The following UGT1A7 variants were observed in gnomAD, a reference collection of about 807,000 sequenced individuals.
UGT1A7 encodes the protein UDP glucuronosyltransferase family 1 member A7, also known as UDP-glucuronosyltransferase 1A7.
In UGT1A7, 33 loss-of-function variants were observed where a neutral mutation model predicts 45.6. The ratio of observed to expected loss-of-function variants is 0.72; its 90% CI spans 0.55 to 0.97. UGT1A7 has a LOEUF of 0.97. UGT1A7 is among the 50% of genes least tolerant of loss of function. The pLI, the probability that UGT1A7 is intolerant of heterozygous loss-of-function variation, is 0.00. For missense variants in UGT1A7, 684 were observed against 666.2 expected (o/e 1.03, Z -0.29); for synonymous variants, 274 against 250.6 (o/e 1.09, Z -0.88).
In UGT1A7 at chr2:233,768,427, T is replaced by A; in HGVS notation, c.1283T>A (p.Ile428Asn). ...TTAGAAAATGCTCTAAAAGCAGTCA[T>A]CAATGACAAAAGGTAAGAAAGAAGA... is the stretch of plus-strand genomic sequence containing the variant. ...EDLENALKAV[I>N]NDKSYKENIM... Residue 428 changes from isoleucine (I) to asparagine (N), a missense_variant, in exon 4 of 5, where the codon ATC becomes AAC. Transcript: ENST00000373426. 1 of 1,614,006 alleles carries A rather than the reference T, an allele frequency of 6.2e-7. No individual in the cohort carries two copies. The highest frequency in any genetic ancestry group is 8.5e-7 in the Non-Finnish European group (1 of 1,179,966).
chr2:233,713,283 C>T (rs764319623), intron 1 of UGT1A7: 1 of 1,614,222 alleles, frequency 6.2e-7, no homozygotes, highest in Non-Finnish European at 8.5e-7. Flanking sequence ...GGGTCACACT[C>T]AATCGTTCTT....
Position 233,769,437 on chromosome 2 carries a change from G to T in UGT1A7, c.1295+998G>T. On this transcript the variant is annotated intron_variant, in intron 4 of 4. Transcript: ENST00000373426. The surrounding 1 kb of genome is among the most constrained non-coding windows in gnomAD (Gnocchi z 4.4). ...TTTGTGCATGTGGCTGTGCTCATGT[G>T]TGGGTGCACACGTGTGCATTCATAT... 1 of 1,560,038 alleles carries T rather than the reference G, an allele frequency of 6.4e-7. No homozygotes were observed. Among genetic ancestry groups the T allele is most frequent in the Non-Finnish European group, 8.8e-7 (1 of 1,136,330 alleles).
At chr2:233,686,360 A>G (rs983184059) in intron 1 of UGT1A7, among the ~76,000 whole-genome samples, 1 of 152,180 alleles carries the variant, frequency 6.6e-6, no homozygotes, top group Admixed American at 6.5e-5. Context: ...ATCAAAGGAT[A>G]CTATCAAGAG....
At chr2:233,730,080 A>G (rs1159659352) in intron 1 of UGT1A7, 6 of 1,604,940 alleles carry the variant, frequency 3.7e-6, no homozygotes, top group Non-Finnish European at 5.1e-6. Context: ...TTCCATATTT[A>G]CTTATCTTTC....
At position 233,730,325 on chromosome 2, in the gene UGT1A7, C is replaced by A. The variant is rs532901219; in HGVS notation, c.856-36709C>A. On this transcript the variant is annotated intron_variant, in intron 1 of 4. Transcript: ENST00000373426. ...CTTCAGCTTGGCAGGAACAGGGACA[C>A]TACGTTTGGAACTGATCCATCCTGG... 4.6e-5 allele frequency among the ~76,000 whole-genome samples: 7 copies of A among 152,252 alleles called. No individual in the cohort carries two copies. In the South Asian group the frequency reaches 1.2e-3, roughly 27 times the overall value.
intron 1 of UGT1A7, among the ~76,000 whole-genome samples, chr2:233,706,484 G>A (rs1195112005): frequency 1.3e-5 from 2 of 152,226 alleles, no homozygotes; most frequent in Non-Finnish European, 2.9e-5. Flanking sequence ...GGGTACATGA[G>A]GGTGTCCAGG....
intron 1 of UGT1A7, among the ~76,000 whole-genome samples, chr2:233,766,746 G>A (rs1202459280): frequency 2.0e-5 from 3 of 152,150 alleles, no homozygotes; most frequent in Non-Finnish European, 4.4e-5. Context: ...GTACAGGTGT[G>A]TGCATGTGTG....
chr2:233,705,136 GA>G (rs11336071), intron 1 of UGT1A7, among the ~76,000 whole-genome samples: 79,427 of 142,524 alleles, frequency 0.56, 22,601 homozygotes, highest in African/African-American at 0.75. Flanking sequence ...GACTTCGTCT[GA>G]AAAAAAAAAA....
intron 1 of UGT1A7, among the ~76,000 whole-genome samples, chr2:233,711,346 C>T (rs967484863): frequency 5.3e-5 from 8 of 152,344 alleles, no homozygotes; most frequent in Admixed American, 2.0e-4. Context: ...GGAGATAGAA[C>T]AGGGGAGCCC....
chr2:233,760,934 C>A (rs907848517), intron 1 of UGT1A7: 10 of 1,614,178 alleles, frequency 6.2e-6, no homozygotes, highest in Non-Finnish European at 8.5e-6. Flanking sequence ...ATGCTCATTG[C>A]CTTTTCACAG....
intron 1 of UGT1A7, among the ~76,000 whole-genome samples, chr2:233,700,492 A>G (rs770742590): frequency 7.9e-5 from 12 of 152,320 alleles, no homozygotes; most frequent in East Asian, 3.9e-4. Flanking sequence ...AGTACATAAA[A>G]GCCTAGAAAC....
At chr2:233,690,759 AT>A (rs1559344493) in intron 1 of UGT1A7, 32 of 285,874 alleles carry the variant, frequency 1.1e-4, no homozygotes, top group Middle Eastern at 1.4e-3. Context: ...CAGTGCAGAC[AT>A]ACACACACAC....
At chr2:233,701,701 C>T (rs1051728567) in intron 1 of UGT1A7, among the ~76,000 whole-genome samples, 4 of 152,128 alleles carry the variant, frequency 2.6e-5, no homozygotes, top group African/African-American at 7.2e-5. Flanking sequence ...CACTCAAAAC[C>T]GCTCAACTAC....
At chr2:233,750,007 A>G (rs1252051416) in intron 1 of UGT1A7, among the ~76,000 whole-genome samples, 1 of 151,886 alleles carries the variant, frequency 6.6e-6, no homozygotes, top group African/African-American at 2.4e-5. Flanking sequence ...AATTGGTGCC[A>G]TGGAGAGTGG....
intron 1 of UGT1A7, chr2:233,755,045 G>C (rs745537470): frequency 7.5e-7 from 1 of 1,325,478 alleles, no homozygotes; most frequent in Non-Finnish European, 1.0e-6. Context: ...CTGCGCAGCC[G>C]CCCTCCGCCC....
rs1197217619 is a variant in UGT1A7, at chr2:233,750,175, GA to G, written c.856-16858del. 5.9e-5 allele frequency among the ~76,000 whole-genome samples: 9 copies of G among 151,894 alleles called. 1 individual carries two copies. The highest frequency in any genetic ancestry group is 2.2e-4 in the African/African-American group (9 of 41,136). Reference sequence around the variant, plus strand: ...GTTGAATGGTTTTGACCAAAATGCTGATAATGTTGTGGACAATGAAGTCCAG... The same window carrying G: ...GTTGAATGGTTTTGACCAAAATGCTGTAATGTTGTGGACAATGAAGTCCAG... On this transcript the variant is annotated intron_variant, in intron 1 of 4. Coordinates refer to ENST00000373426, the MANE Select transcript of UGT1A7 (RefSeq NM_019077.3).
chr2:233,749,635 C>T lies in UGT1A7; in HGVS notation c.856-17399C>T, dbSNP rs755546951. ...CATGATTTGGCTCTGTATCCCCCAC[C>T]AAATCTCATCTTGAATTGTAATCCC... is the stretch of plus-strand genomic sequence containing the variant. On this transcript the variant is annotated intron_variant, in intron 1 of 4. Coordinates refer to ENST00000373426, the MANE Select transcript of UGT1A7 (RefSeq NM_019077.3). 1.1e-4 allele frequency among the ~76,000 whole-genome samples: 17 copies of T among 151,816 alleles called. 3 individuals are homozygous for T. Among genetic ancestry groups the T allele is most frequent in the Admixed American group, 3.3e-4 (5 of 15,276 alleles).
intron 1 of UGT1A7, among the ~76,000 whole-genome samples, chr2:233,759,835 C>T (rs1697265176): frequency 6.6e-6 from 1 of 152,172 alleles, no homozygotes; most frequent in African/African-American, 2.4e-5. Flanking sequence ...GTGGAGTGGG[C>T]ACTCTTACAG....
At chr2:233,761,164 G>C in intron 1 of UGT1A7, 2 of 1,614,240 alleles carry the variant, frequency 1.2e-6, no homozygotes, top group South Asian at 1.1e-5. Flanking sequence ...GTGTATTGGA[G>C]TGGGACTTTT....
Sources: gnomAD v4.1 joint callset for allele counts (sites outside exome capture counted in the v4.1 genomes callset) on GRCh38, gnomAD v4.1.1 for gene constraint, Gnocchi (gnomAD v3.1) non-coding constraint, MANE v1.5 for transcripts, NCBI Gene and HGNC (gene_info 2026-07-23, HGNC 2026-07-21) for gene names.